Variants in ACVR1 observed in about 807,000 individuals in gnomAD.
The protein encoded by ACVR1 is activin receptor type-1.
ACVR1 carries 38 observed loss-of-function variants against 57.1 expected under a neutral mutation model. The observed-to-expected ratio is 0.67, with a 90% CI of 0.51 to 0.87. The LOEUF (loss-of-function observed/expected upper bound fraction) is 0.87, where lower values mean the gene tolerates loss of function less well. Ranked by LOEUF, ACVR1 falls within the 40% of genes least tolerant of loss-of-function variation. The pLI is 0.00. For synonymous variants in ACVR1, 212 were observed against 228.1 expected (o/e 0.93, Z 0.63); for missense variants, 463 against 638.2 (o/e 0.73, Z 2.96).
chr2:157,743,318 AC>A (rs1391868950), intron 9 of ACVR1, among the ~76,000 whole-genome samples: 1 of 151,990 alleles, frequency 6.6e-6, no homozygotes, highest in Non-Finnish European at 1.5e-5. Context: ...CAGTGCCCTC[AC>A]CCCCATACTC....
At chr2:157,753,919 C>A (rs999080040) in intron 9 of ACVR1, among the ~76,000 whole-genome samples, 67 of 152,206 alleles carry the variant, frequency 4.4e-4, no homozygotes, top group African/African-American at 1.6e-3. Flanking sequence ...TCTCTCAGAC[C>A]ACAGTGAAAT....
At chr2:157,775,544 A>G (rs1686248434) in intron 5 of ACVR1, among the ~76,000 whole-genome samples, 1 of 152,228 alleles carries the variant, frequency 6.6e-6, no homozygotes, top group Non-Finnish European at 1.5e-5. Flanking sequence ...ACCACTGTGA[A>G]GTACTGTTGA....
At chr2:157,821,187 A>T (rs1261502409) in intron 1 of ACVR1, among the ~76,000 whole-genome samples, 1 of 152,206 alleles carries the variant, frequency 6.6e-6, no homozygotes, top group Non-Finnish European at 1.5e-5. Flanking sequence ...GAGGGACTGA[A>T]AATATAAAAA....
At chr2:157,774,342 G>A (rs1471999759) in intron 5 of ACVR1, among the ~76,000 whole-genome samples, 155 bp from the exon 6 acceptor site, 2 of 152,144 alleles carry the variant, frequency 1.3e-5, no homozygotes, top group African/African-American at 4.8e-5. Context: ...GAAGAAGGAA[G>A]AAGGACTGGT....
chr2:157,835,698 A>G (rs79940587), intron 1 of ACVR1, among the ~76,000 whole-genome samples: 2,639 of 152,326 alleles, frequency 0.017, 79 homozygotes, highest in African/African-American at 0.06. Flanking sequence ...AATACTCACA[A>G]TGCACTGCAG....
At chr2:157,779,366 G>C (rs1488406192) in intron 4 of ACVR1, among the ~76,000 whole-genome samples, 2 of 152,136 alleles carry the variant, frequency 1.3e-5, no homozygotes, top group Non-Finnish European at 2.9e-5. Context: ...GTAAATACTT[G>C]ATCTCCTTTA....
intron 9 of ACVR1, among the ~76,000 whole-genome samples, chr2:157,744,431 A>T (rs1684885987): frequency 6.6e-6 from 1 of 152,220 alleles, no homozygotes; most frequent in African/African-American, 2.4e-5. Flanking sequence ...TTTTCATCTC[A>T]TTAGTTACAT....
intron 2 of ACVR1, among the ~76,000 whole-genome samples, chr2:157,809,108 C>G (rs972717747): frequency 6.6e-6 from 1 of 152,098 alleles, no homozygotes; most frequent in Non-Finnish European, 1.5e-5. Context: ...GCCTACACGG[C>G]TGTTATCATT....
chr2:157,744,612 AATG>A (rs1467046012), intron 9 of ACVR1, among the ~76,000 whole-genome samples: 1 of 152,254 alleles, frequency 6.6e-6, no homozygotes, highest in African/African-American at 2.4e-5. Context: ...TATGGAAAAA[AATG>A]ATGAGGGCAG....
In ACVR1 at chr2:157,866,183, C is replaced by T. The variant is rs1035570337; in HGVS notation, c.-183+9613G>A. Among the ~76,000 whole-genome samples the T allele has an allele frequency of 2.6e-5, 4 of 151,958 alleles. 1 individual carries two copies. The highest frequency in any genetic ancestry group is 5.9e-5 in the Non-Finnish European group (4 of 68,000). ...AACAAAAACACCAATTTGAATTAAACCAAAAATGTCAGAGTTGTATGGCCC... is the reference window on the plus strand; with the variant it reads ...AACAAAAACACCAATTTGAATTAAATCAAAAATGTCAGAGTTGTATGGCCC... On this transcript the variant is annotated intron_variant, in intron 1 of 10. Coordinates refer to ENST00000434821, the MANE Select transcript of ACVR1 (RefSeq NM_001111067.4).
At chr2:157,813,768 G>T (rs986168415) in intron 2 of ACVR1, among the ~76,000 whole-genome samples, 1 of 152,118 alleles carries the variant, frequency 6.6e-6, no homozygotes, top group East Asian at 1.9e-4. Context: ...TGTGTTCTTT[G>T]AACCATAGCA....
At chr2:157,867,625 A>AT (rs1183841386) in intron 1 of ACVR1, among the ~76,000 whole-genome samples, 1 of 151,160 alleles carries the variant, frequency 6.6e-6, no homozygotes, top group Non-Finnish European at 1.5e-5. Flanking sequence ...GCAGCTGGAC[A>AT]TTTCGATTTT....
chr2:157,756,576 C>G (rs1685431594), intron 9 of ACVR1, among the ~76,000 whole-genome samples: 1 of 152,038 alleles, frequency 6.6e-6, no homozygotes, highest in Non-Finnish European at 1.5e-5. Flanking sequence ...CTCTAATGAT[C>G]AGGGAAATGC....
rs564034781 is a variant in ACVR1, at chr2:157,757,569, C to G, written c.1264+3311G>C. The stretch of plus-strand genomic sequence containing the variant: ...AGTGGATTTCTCAGTGGTAATCTCA[C>G]GGGCCAAGAGAGAATGGGATGACAT... On this transcript the variant is annotated intron_variant, in intron 9 of 10. Coordinates refer to ENST00000434821, the MANE Select transcript of ACVR1 (RefSeq NM_001111067.4). Among the ~76,000 whole-genome samples the G allele has an allele frequency of 4.0e-5, 6 of 151,742 alleles. No individual in the cohort carries two copies. The South Asian group carries it at 6.2e-4, about 16-fold the overall frequency.
chr2:157,830,733 CAAAAAAA>C (rs10711957), intron 1 of ACVR1, among the ~76,000 whole-genome samples: 29 of 136,738 alleles, frequency 2.1e-4, no homozygotes, highest in African/African-American at 7.7e-4. Context: ...TTTGTTTCAC[CAAAAAAA>C]AAAAAAAAAA....
At chr2:157,868,327 GA>G (rs576476487) in intron 1 of ACVR1, among the ~76,000 whole-genome samples, 1,534 of 144,230 alleles carry the variant, frequency 0.011, 11 homozygotes, top group Middle Eastern at 0.021. Context: ...TACTAAAAAT[GA>G]AAAAAAAAAA....
At position 157,799,474 on chromosome 2, in the gene ACVR1, A is replaced by G; in HGVS notation, c.20T>C (p.Ile7Thr). MVDGVMILPVLIMIALP... is the reference protein window; with the variant it reads MVDGVMTLPVLIMIALP... ...AGCAATCATGATAAGCACAGGAAGA[A>G]TCATCACTCCATCTACCATTGTACA... Residue 7 changes from isoleucine (I) to threonine (T), a missense_variant, in exon 3 of 11, where the codon ATT (isoleucine) becomes ACT (threonine). By Grantham distance (89) the Ile-to-Thr change is moderately conservative. This residue lies in a region of ACVR1 where 203 missense variants were observed against 235.5 expected (regional missense o/e 0.86). Transcript: ENST00000434821. 3.7e-6 allele frequency: 6 copies of G among 1,612,256 alleles called. No homozygotes were observed. The South Asian group carries it at 6.6e-5, about 18-fold the overall frequency.
intron 1 of ACVR1, among the ~76,000 whole-genome samples, chr2:157,836,311 G>A (rs921696900): frequency 6.6e-6 from 1 of 152,206 alleles, no homozygotes; most frequent in Non-Finnish European, 1.5e-5. Context: ...GATGAGAGAA[G>A]AAACCAGGCT....
intron 9 of ACVR1, among the ~76,000 whole-genome samples, chr2:157,748,377 C>T (rs1685052487): frequency 1.3e-5 from 2 of 152,154 alleles, no homozygotes; most frequent in South Asian, 2.1e-4. Context: ...GGACACCAAT[C>T]CTTCTCTAAA....
Sources: gnomAD v4.1 joint callset for allele counts (sites outside exome capture counted in the v4.1 genomes callset) on GRCh38, gnomAD v4.1.1 for gene constraint, gnomAD v4.1.1 regional missense constraint, MANE v1.5 for transcripts, NCBI Gene and HGNC (gene_info 2026-07-23, HGNC 2026-07-21) for gene names.